The following ZNF384 variants were observed in gnomAD, a reference collection of about 807,000 sequenced individuals.
The protein encoded by ZNF384 is zinc finger protein 384.
Under a neutral mutation model 65.0 loss-of-function variants are expected in ZNF384, and 20 were observed. The observed-to-expected ratio is 0.31, with a 90% CI of 0.22 to 0.45. The LOEUF is 0.45. Among genes scored for constraint, ZNF384 ranks in the 20% least tolerant of loss-of-function variants. The pLI is 1.00. For missense variants in ZNF384, 549 were observed against 769.4 expected (o/e 0.71, Z 3.39); for synonymous variants, 310 against 303.9 (o/e 1.02, Z -0.21).
chr12:6,672,005 T>G lies in ZNF384; in HGVS notation c.1187+345A>C. 4.4e-6 allele frequency: 1 copy of G among 226,092 alleles called. No homozygotes were observed. The highest frequency in any genetic ancestry group is 8.9e-6 in the Non-Finnish European group (1 of 112,720). 14.0% of individuals were successfully genotyped at this position (226,092 alleles called of 1,614,324 possible). ...GTCTTCTCCACTCAAATGCCTCTGT[T>G]TTGGCATCAAGGGGCAAATCTTCCA... On this transcript the variant is annotated intron_variant, in intron 9 of 11. Coordinates refer to ENST00000683879, the MANE Select transcript of ZNF384 (RefSeq NM_001385745.1). The surrounding 1 kb of genome is among the most constrained non-coding windows in gnomAD (Gnocchi z 4.4).
At chr12:6,684,949 C>T (rs988514834) in intron 2 of ZNF384, among the ~76,000 whole-genome samples, 1 of 152,120 alleles carries the variant, frequency 6.6e-6, no homozygotes, top group Non-Finnish European at 1.5e-5. Flanking sequence ...CAAATCATCC[C>T]AACATTCAAT....
At chr12:6,668,313 TC>T (rs1950285558) in intron 11 of ZNF384, among the ~76,000 whole-genome samples, 198 bp from the exon 12 acceptor site, 1 of 152,084 alleles carries the variant, frequency 6.6e-6, no homozygotes, top group Non-Finnish European at 1.5e-5. Context: ...CCTTTAGAAG[TC>T]ACTCAACATT....
In ZNF384 at chr12:6,686,568, C is replaced by T. The variant is rs554602802; in HGVS notation, c.-6+1599G>A. 8.5e-5 allele frequency among the ~76,000 whole-genome samples: 13 copies of T among 152,326 alleles called. No individual in the cohort carries two copies. In the East Asian group the frequency reaches 2.3e-3, roughly 27 times the overall value. Reference sequence around the variant, plus strand: ...CGTGCCCGGCCAAGACTTGTGAATTCTAATTCTAGGTCCTATATCAGTGGA... The same window carrying T: ...CGTGCCCGGCCAAGACTTGTGAATTTTAATTCTAGGTCCTATATCAGTGGA... On this transcript the variant is annotated intron_variant, in intron 2 of 11. Transcript: ENST00000683879.
In ZNF384 at chr12:6,667,456, T is replaced by C; in HGVS notation, c.*258A>G. 1.7e-6 allele frequency: 1 copy of C among 591,648 alleles called. No homozygotes were observed. The highest frequency in any genetic ancestry group is 3.0e-5 in the East Asian group (1 of 33,808). 36.6% of individuals were successfully genotyped at this position (591,648 alleles called of 1,614,324 possible). A position where few individuals can be genotyped will look rare whatever the true frequency, so the allele number is the denominator to read the frequency against. On this transcript the variant is annotated 3_prime_UTR_variant, in exon 12 of 12. Coordinates refer to ENST00000683879, the MANE Select transcript of ZNF384 (RefSeq NM_001385745.1). ...TCCCTTGAGCACCGACCCCCAGTTT[T>C]AGAAGCTTTGCTTGGGAGGGGAGGC...
Position 6,673,060 on chromosome 12 carries a change from GAT to G in ZNF384, c.1004+154_1004+155del, listed in dbSNP as rs1218294272. ...TTTTCAAGGCCCCCCAAATAGCTAG[GAT>G]ATATAATTTCCACAGACAGTAATAG... is the stretch of plus-strand genomic sequence containing the variant. On this transcript the variant is annotated intron_variant, in intron 8 of 11. Coordinates refer to ENST00000683879, the MANE Select transcript of ZNF384 (RefSeq NM_001385745.1). The surrounding 1 kb of genome is among the most constrained non-coding windows in gnomAD (Gnocchi z 4.7). 1.4e-6 allele frequency: 1 copy of G among 709,640 alleles called. No homozygotes were observed. Among genetic ancestry groups the G allele is most frequent in the African/African-American group, 1.8e-5 (1 of 55,650 alleles). 44.0% of individuals were successfully genotyped at this position (709,640 alleles called of 1,614,324 possible). A position where few individuals can be genotyped will look rare whatever the true frequency, so the allele number is the denominator to read the frequency against.
chr12:6,669,131 G>A lies in ZNF384; in HGVS notation c.1325C>T (p.Ala442Val), dbSNP rs772288231. 6.2e-7 allele frequency: 1 copy of A among 1,613,888 alleles called. No homozygotes were observed. Among genetic ancestry groups the A allele is most frequent in the Non-Finnish European group, 8.5e-7 (1 of 1,179,874 alleles). ...KPFKCHNCHR[A>V]YTDAASLEVH... ...CTCTAGTGAGGCTGCATCCGTGTAC[G>A]CCCGATGACAGTTGTGGCACTTGAA... Residue 442 changes from alanine to valine, a missense_variant, in exon 11 of 12, where the codon GCG becomes GTG. By Grantham distance (64) the Ala-to-Val change is moderately conservative (BLOSUM62 0). Around this residue, in one of 5 missense-constraint regions of ZNF384, gnomAD observed 38 missense variants for 99.7 expected, o/e 0.38. Transcript: ENST00000683879.
Position 6,667,813 on chromosome 12 carries a change from G to A in ZNF384, c.1728C>T (p.Ser576=), listed in dbSNP as rs772896729. The A allele has an allele frequency of 1.9e-6, 3 of 1,614,206 alleles. No individual in the cohort carries two copies. In the South Asian group the frequency reaches 3.3e-5, roughly 18 times the overall value. The change falls in exon 12 of 12, where the codon TCC becomes TCT. Residue 576 remains serine (S), a synonymous_variant. Coordinates refer to ENST00000683879, the MANE Select transcript of ZNF384 (RefSeq NM_001385745.1). ...DSNPNPPPQC[S]FDLTPYKTAE... ...CCGTCTTATACGGGGTCAGGTCAAA[G>A]GAACACTGGGGTGGAGGGTTGGGAT...
Position 6,666,657 on chromosome 12 carries a change from AAG to A in ZNF384, c.*1055_*1056del, listed in dbSNP as rs1949856661. 5.9e-6 allele frequency: 1 copy of A among 168,642 alleles called. No individual in the cohort carries two copies. Among genetic ancestry groups the A allele is most frequent in the Non-Finnish European group, 1.3e-5 (1 of 77,772 alleles). The allele number at this position is 168,642 out of a possible 1,614,324, so 10.4% of individuals were successfully genotyped here. ...TTTAAAAAAAAAAAAAAAAGACAAAAAGAAAAATGCTGTGGCTAGAGGACAGG... is the reference window on the plus strand; with the variant it reads ...TTTAAAAAAAAAAAAAAAAGACAAAAAAAAATGCTGTGGCTAGAGGACAGG... On this transcript the variant is annotated 3_prime_UTR_variant, in exon 12 of 12. Coordinates refer to ENST00000683879, the MANE Select transcript of ZNF384 (RefSeq NM_001385745.1).
rs924006682 is a variant in ZNF384 at position 6,672,263 on chromosome 12, C to A, written c.1187+87G>T. 5 of 1,425,030 alleles carry A rather than the reference C, an allele frequency of 3.5e-6. No homozygotes were observed. The highest frequency in any genetic ancestry group is 1.4e-5 in the African/African-American group (1 of 70,522). 88.3% of individuals were successfully genotyped at this position (1,425,030 alleles called of 1,614,324 possible). On this transcript the variant is annotated intron_variant, in intron 9 of 11. Coordinates refer to ENST00000683879, the MANE Select transcript of ZNF384 (RefSeq NM_001385745.1). The surrounding 1 kb of genome is among the most constrained non-coding windows in gnomAD (Gnocchi z 4.4). The stretch of plus-strand genomic sequence containing the variant: ...CCAGCCAGGTCTCTCCCCCGCCCCC[C>A]GCATGCGGGTTGTTGTGTGTGTCCG...
At chr12:6,688,598 GC>G (rs1325872554) in intron 1 of ZNF384, 1 of 152,446 alleles carries the variant, frequency 6.6e-6, no homozygotes, top group Non-Finnish European at 1.5e-5. Context: ...AAAGCTGAGG[GC>G]TGGGGGATGC....
rs528310799 is a variant in ZNF384, at chr12:6,666,693, G to A, written c.*1021C>T. The A allele has an allele frequency of 9.6e-5, 16 of 167,098 alleles. No homozygotes were observed. The East Asian group carries it at 1.8e-3, about 18-fold the overall frequency. 10.4% of individuals were successfully genotyped at this position (167,098 alleles called of 1,614,324 possible). On this transcript the variant is annotated 3_prime_UTR_variant, in exon 12 of 12. Transcript: ENST00000683879. ...TGTGGCTAGAGGACAGGGGTGGAGA[G>A]AGGGAAAAAAAGGACAAAAATAAAC...
chr12:6,673,271 A>G lies in ZNF384; in HGVS notation c.949T>C (p.Cys317Arg). ...RIHSGAKPYSCNFCEKSFRQL... is the reference protein window; with the variant it reads ...RIHSGAKPYSRNFCEKSFRQL... ...CGGAAGGATTTCTCACAGAAGTTAC[A>G]ACTGTAGGGCTTAGCCCCTGAGTGT... is the stretch of plus-strand genomic sequence containing the variant. The change falls in exon 8 of 12, where the codon TGT becomes CGT. Residue 317 changes from cysteine (C) to arginine (R), a missense_variant. Coordinates refer to ENST00000683879, the MANE Select transcript of ZNF384 (RefSeq NM_001385745.1). The surrounding 1 kb of genome is among the most constrained non-coding windows in gnomAD (Gnocchi z 4.7). 1 of 1,613,992 alleles carries G rather than the reference A, an allele frequency of 6.2e-7. No homozygotes were observed.
chr12:6,684,221 G>C (rs990544969), intron 2 of ZNF384, among the ~76,000 whole-genome samples: 1 of 152,174 alleles, frequency 6.6e-6, no homozygotes, highest in Non-Finnish European at 1.5e-5. Context: ...AAGCAGGAAT[G>C]TGAATCCAGG....
intron 11 of ZNF384, 120 bp from the exon 12 acceptor site, chr12:6,668,235 G>A (rs1950263103): frequency 9.4e-7 from 1 of 1,064,458 alleles, no homozygotes; most frequent in Admixed American, 2.3e-5. Context: ...TGGTTTTCTG[G>A]AGCCAAGACT....
Position 6,673,184 on chromosome 12 carries a change from C to T in ZNF384, c.1004+32G>A, listed in dbSNP as rs947199069. ...GCAACATGGTCTTAGGGTTCACGGC[C>T]AGGTGGTGGGGTAAACCAAGAGCAG... On this transcript the variant is annotated intron_variant, in intron 8 of 11. Transcript: ENST00000683879. This position sits in a 1 kb window ranked among gnomAD's most constrained non-coding sequence, Gnocchi z 4.7. 2.5e-6 allele frequency: 4 copies of T among 1,601,100 alleles called. No individual in the cohort carries two copies. Among genetic ancestry groups the T allele is most frequent in the Non-Finnish European group, 3.4e-6 (4 of 1,170,192 alleles).
chr12:6,673,426 G>A lies in ZNF384; in HGVS notation c.794C>T (p.Ser265Leu). ...LLCDPGCRMC[S>L]LTFYSKSEMQ... Reference sequence around the variant, plus strand: ...CTCCGACTTGGAGTAGAATGTCAGTGAGCACATCCGGCACCTGAGCCAAGT... The same window carrying A: ...CTCCGACTTGGAGTAGAATGTCAGTAAGCACATCCGGCACCTGAGCCAAGT... The change falls in exon 8 of 12, where the codon TCA (serine) becomes TTA (leucine). Residue 265 changes from serine to leucine, a missense_variant. Ser to Leu is a moderately radical substitution (Grantham distance 145). Around this residue, in one of 5 missense-constraint regions of ZNF384, gnomAD observed 277 missense variants for 337.2 expected, o/e 0.82. Transcript: ENST00000683879. The surrounding 1 kb of genome is among the most constrained non-coding windows in gnomAD (Gnocchi z 4.7). The A allele has an allele frequency of 6.2e-7, 1 of 1,614,032 alleles. No individual in the cohort carries two copies. The highest frequency in any genetic ancestry group is 8.5e-7 in the Non-Finnish European group (1 of 1,179,996).
intron 2 of ZNF384, among the ~76,000 whole-genome samples, chr12:6,682,955 A>G (rs1037009010): frequency 6.6e-6 from 1 of 152,208 alleles, no homozygotes; most frequent in Non-Finnish European, 1.5e-5. Flanking sequence ...ATGACAGACA[A>G]GAGATAAGAG....
In ZNF384 at chr12:6,667,372, G is replaced by A; in HGVS notation, c.*342C>T. The A allele has an allele frequency of 1.1e-5, 5 of 463,184 alleles. No individual in the cohort carries two copies. Among genetic ancestry groups the A allele is most frequent in the Non-Finnish European group, 1.6e-5 (4 of 249,766 alleles). 28.7% of individuals were successfully genotyped at this position (463,184 alleles called of 1,614,324 possible). On this transcript the variant is annotated 3_prime_UTR_variant, in exon 12 of 12. Coordinates refer to ENST00000683879, the MANE Select transcript of ZNF384 (RefSeq NM_001385745.1). Reference sequence around the variant, plus strand: ...CAGCCCAAACTTTGAGGATAAGGAGGGTAAGGATAGGGTAAGTGGCCACAC... The same window carrying A: ...CAGCCCAAACTTTGAGGATAAGGAGAGTAAGGATAGGGTAAGTGGCCACAC...
chr12:6,688,541 TGGA>T (rs1473606373), intron 1 of ZNF384: 1 of 152,554 alleles, frequency 6.6e-6, no homozygotes, highest in Non-Finnish European at 1.5e-5. Context: ...ACATTAGAGA[TGGA>T]GGAGGAGGAG....
Sources: allele counts gnomAD v4.1 joint callset (sites outside exome capture counted in the v4.1 genomes callset), GRCh38; gene constraint gnomAD v4.1.1; regional missense constraint gnomAD v4.1.1; non-coding constraint Gnocchi (gnomAD v3.1); transcripts MANE v1.5; gene names NCBI Gene and HGNC (gene_info 2026-07-23, HGNC 2026-07-21).